CRHR1: variants seen among roughly 807,000 people sequenced by gnomAD.
The protein encoded by CRHR1 is corticotropin-releasing hormone receptor 1.
CRHR1 carries 28 observed loss-of-function variants against 56.0 expected under a neutral mutation model. The observed-to-expected ratio is 0.50, with a 90% CI of 0.37 to 0.69. CRHR1 has a LOEUF of 0.69. Ranked by LOEUF, CRHR1 falls within the 30% of genes least tolerant of loss-of-function variation. The pLI, the probability that CRHR1 is intolerant of heterozygous loss-of-function variation, is 0.00. For missense variants in CRHR1, 376 were observed against 548.0 expected (o/e 0.69, Z 3.13); for synonymous variants, 195 against 216.5 (o/e 0.90, Z 0.87).
intron 1 of CRHR1, among the ~76,000 whole-genome samples, chr17:45,801,260 C>T (rs973425447): frequency 1.3e-5 from 2 of 152,318 alleles, no homozygotes; most frequent in South Asian, 2.1e-4. Context: ...TGCGCCTGGC[C>T]AGCCAGAAGG....
At chr17:45,833,693 T>TGGGGGGGCCCCCCCCC in intron 10 of CRHR1, 21 bp from the exon 11 acceptor site, 7 of 1,571,578 alleles carry the variant, frequency 4.5e-6, no homozygotes, top group Non-Finnish European at 6.1e-6. Context: ...ACTCCGAGCC[T>TGGGGGGGCCCCCCCCC]CCCCACCCGC....
intron 1 of CRHR1, among the ~76,000 whole-genome samples, chr17:45,795,663 TA>T (rs975711730): frequency 6.6e-6 from 1 of 152,142 alleles, no homozygotes; most frequent in Non-Finnish European, 1.5e-5. Context: ...GGAACGCATT[TA>T]AAAAACATAA....
At chr17:45,791,900 G>A (rs1266692384) in intron 1 of CRHR1, among the ~76,000 whole-genome samples, 5 of 149,938 alleles carry the variant, frequency 3.3e-5, no homozygotes, top group Non-Finnish European at 5.9e-5. Context: ...GTACCCTGGC[G>A]AGTGAGCTAC....
chr17:45,824,544 C>G (rs758023891), intron 4 of CRHR1, among the ~76,000 whole-genome samples: 34 of 152,202 alleles, frequency 2.2e-4, no homozygotes, highest in Non-Finnish European at 4.1e-4. Context: ...GTTAGCCACC[C>G]TCAGCCTGCC....
chr17:45,792,466 C>T (rs2061443773), intron 1 of CRHR1, among the ~76,000 whole-genome samples: 2 of 152,294 alleles, frequency 1.3e-5, no homozygotes, highest in Admixed American at 6.5e-5. Context: ...ATCTCTTGCT[C>T]CTCACTCCTG....
At chr17:45,829,420 G>T in intron 5 of CRHR1, 99 bp downstream of exon 5, 1 of 1,355,368 alleles carries the variant, frequency 7.4e-7, no homozygotes, top group East Asian at 2.5e-5. Context: ...GGTGGGGGTT[G>T]CTGGGAGAGG....
Position 45,829,339 on chromosome 17 carries a change from C to G in CRHR1, c.434+18C>G, listed in dbSNP as rs371070410. The G allele has an allele frequency of 2.5e-6, 4 of 1,593,550 alleles. No homozygotes were observed. Among genetic ancestry groups the G allele is most frequent in the Non-Finnish European group, 3.4e-6 (4 of 1,162,902 alleles). ...CGGCTCAGGTGAGAAGACCCCAGCA[C>G]TGCCTCCTCCTGTCCCCAGGACCTA... On this transcript the variant is annotated intron_variant, in intron 5 of 12. Transcript: ENST00000314537.
In CRHR1 at chr17:45,813,067, G is replaced by A. The variant is rs550262217; in HGVS notation, c.122-3396G>A. 2.6e-5 allele frequency among the ~76,000 whole-genome samples: 4 copies of A among 152,300 alleles called. No homozygotes were observed. The East Asian group carries it at 7.7e-4, about 29-fold the overall frequency. The stretch of plus-strand genomic sequence containing the variant: ...AGGATGGCGATCTGAAATCCTTGTG[G>A]GGATTTCAGACACAGAGACACTAAG... On this transcript the variant is annotated intron_variant, in intron 2 of 12. Coordinates refer to ENST00000314537, the MANE Select transcript of CRHR1 (RefSeq NM_004382.5).
chr17:45,792,877 C>T (rs866995564), intron 1 of CRHR1, among the ~76,000 whole-genome samples: 6 of 152,312 alleles, frequency 3.9e-5, no homozygotes, highest in East Asian at 3.9e-4. Flanking sequence ...TTGTTCCCAC[C>T]GTAGACTATG....
chr17:45,818,700 C>T (rs1413839957), intron 3 of CRHR1, among the ~76,000 whole-genome samples: 2 of 152,152 alleles, frequency 1.3e-5, no homozygotes, highest in Admixed American at 6.5e-5. Context: ...CACGCCCGTG[C>T]AGTCAGTCAC....
intron 1 of CRHR1, among the ~76,000 whole-genome samples, chr17:45,789,012 A>G (rs964230899): frequency 2.0e-5 from 3 of 152,204 alleles, no homozygotes; most frequent in Non-Finnish European, 4.4e-5. Context: ...GTGGTTATTA[A>G]AAAAGAGAAA....
At chr17:45,791,852 T>TCTCTCA (rs60388646) in intron 1 of CRHR1, among the ~76,000 whole-genome samples, 1,256 of 121,052 alleles carry the variant, frequency 0.01, 6 homozygotes, top group Non-Finnish European at 0.015. Flanking sequence ...TCTCTCTCTC[T>TCTCTCA]CACACACACA....
chr17:45,787,844 CAGTG>C (rs2146250646), intron 1 of CRHR1, among the ~76,000 whole-genome samples: 1 of 152,322 alleles, frequency 6.6e-6, no homozygotes, highest in Admixed American at 6.5e-5. Flanking sequence ...GAACGCGAAA[CAGTG>C]AGCCCAGGGT....
Position 45,833,698 on chromosome 17 carries a change from A to ACCCCCCCCCC in CRHR1, c.930-13_930-12insCCCCCCCCCC. The ACCCCCCCCCC allele has an allele frequency of 2.9e-6, 1 of 340,478 alleles. No homozygotes were observed. 21.1% of individuals were successfully genotyped at this position (340,478 alleles called of 1,614,324 possible). ...GTGGGCTGTGACTCCGAGCCTCCCCACCCGCCCCACCCCAGGAAGGCTGTG... is the reference window on the plus strand; with the variant it reads ...GTGGGCTGTGACTCCGAGCCTCCCCACCCCCCCCCCCCCGCCCCACCCCAGGAAGGCTGTG... On this transcript the variant is annotated splice_polypyrimidine_tract_variant and intron_variant, in intron 10 of 12. Transcript: ENST00000314537.
At chr17:45,786,011 G>A (rs35699896) in intron 1 of CRHR1, among the ~76,000 whole-genome samples, 4 of 152,164 alleles carry the variant, frequency 2.6e-5, no homozygotes, top group Admixed American at 6.5e-5. Context: ...CACTGAATGG[G>A]AATAGTTTCC....
intron 3 of CRHR1, 62 bp from the exon 4 acceptor site, chr17:45,821,293 C>T: frequency 6.8e-7 from 1 of 1,470,198 alleles, no homozygotes; most frequent in Non-Finnish European, 9.5e-7. Flanking sequence ...CCATCTGGGC[C>T]AGGATGGTCA....
intron 2 of CRHR1, 92 bp from the exon 3 acceptor site, chr17:45,816,371 G>C (rs1340655492): frequency 1.2e-5 from 18 of 1,542,868 alleles, no homozygotes; most frequent in Non-Finnish European, 1.5e-5. Context: ...GGGAACGAGT[G>C]GGGAGGTGGG....
At chr17:45,786,128 T>TA (rs1455876413) in intron 1 of CRHR1, among the ~76,000 whole-genome samples, 1 of 48 alleles carries the variant, frequency 0.021, no homozygotes, top group Non-Finnish European at 0.056. Context: ...TTTTCTTTTC[T>TA]TTTTTTTTTT....
At chr17:45,830,031 G>A in intron 5 of CRHR1, 63 bp from the exon 6 acceptor site, 3 of 1,604,918 alleles carry the variant, frequency 1.9e-6, no homozygotes, top group Non-Finnish European at 2.6e-6. Context: ...GGTGATGGAG[G>A]TGGCCTACCC....
Sources: allele counts gnomAD v4.1 joint callset (sites outside exome capture counted in the v4.1 genomes callset), GRCh38; gene constraint gnomAD v4.1.1; transcripts MANE v1.5; gene names NCBI Gene and HGNC (gene_info 2026-07-23, HGNC 2026-07-21).